The following DCUN1D2 variants were observed in gnomAD, a reference collection of about 807,000 sequenced individuals.
DCUN1D2 encodes the protein DCN1-like protein 2.
A neutral mutation model predicts 30.9 loss-of-function variants in DCUN1D2; 29 were observed. The ratio of observed to expected loss-of-function variants is 0.94; its 90% confidence interval spans 0.70 to 1.28. The LOEUF is 1.28. Ranked by LOEUF, DCUN1D2 falls within the 50% of genes most tolerant of loss-of-function variation. The pLI, the probability that DCUN1D2 is intolerant of heterozygous loss-of-function variation, is 0.00. For missense variants in DCUN1D2, 325 were observed against 316.9 expected, an observed-to-expected ratio of 1.03 and a Z score of -0.19; for synonymous variants, 121 against 115.3, an observed-to-expected ratio of 1.05 and a Z score of -0.32.
At chr13:113,484,092 G>A (rs1362824787) in intron 1 of DCUN1D2, 36 bp from the exon 2 acceptor site, 1 of 1,609,392 alleles carries the variant, frequency 6.2e-7, no homozygotes, top group South Asian at 1.1e-5. Context: ...AGCCAATGAA[G>A]CCGCTCCAGG....
rs1377578738 is a variant in DCUN1D2 at position 113,490,513 on chromosome 13, G to T, written c.3+154C>A. 6.2e-5 allele frequency: 51 copies of T among 826,600 alleles called. No individual in the cohort carries two copies. Among genetic ancestry groups the T allele is most frequent in the Non-Finnish European group, 7.9e-5 (49 of 620,272 alleles). 51.2% of individuals were successfully genotyped at this position (826,600 alleles called of 1,614,324 possible). ...CTCCGACGCCACCGCTCCGGCTCGC[G>T]GGCCCGCGGCGCGTTCCTCCCTCGG... On this transcript the variant is annotated intron_variant, in intron 1 of 6. Coordinates refer to ENST00000478244, the MANE Select transcript of DCUN1D2 (RefSeq NM_001014283.2). The surrounding 1 kb of genome is among the most constrained non-coding windows in gnomAD (Gnocchi z 5.2).
intron 5 of DCUN1D2, among the ~76,000 whole-genome samples, chr13:113,459,980 C>T (rs1282646827): frequency 1.3e-5 from 2 of 152,208 alleles, no homozygotes; most frequent in South Asian, 4.1e-4. Context: ...ACACTGTGAG[C>T]GCCTTCATCC....
Position 113,456,486 on chromosome 13 carries a change from C to G in DCUN1D2, c.*1543G>C, listed in dbSNP as rs2044228139. The G allele has an allele frequency of 2.5e-6, 1 of 398,022 alleles. No individual in the cohort carries two copies. The highest frequency in any genetic ancestry group is 2.1e-5 in the African/African-American group (1 of 48,640). 24.7% of individuals were successfully genotyped at this position (398,022 alleles called of 1,614,324 possible). ...CTCTCTCACACCGCAGCTAGGTCAT[C>G]TGCGGCGACTCTCCTCTGTGCTGGG... On this transcript the variant is annotated 3_prime_UTR_variant, in exon 7 of 7. Coordinates refer to ENST00000478244, the MANE Select transcript of DCUN1D2 (RefSeq NM_001014283.2).
chr13:113,460,977 G>T, intron 5 of DCUN1D2, 77 bp downstream of exon 5: 2 of 873,276 alleles, frequency 2.3e-6, no homozygotes, highest in Non-Finnish European at 3.7e-6. Flanking sequence ...GACCTGAGGT[G>T]GATGATTACA....
chr13:113,469,928 C>T (rs1369560797), intron 4 of DCUN1D2, among the ~76,000 whole-genome samples: 1 of 151,864 alleles, frequency 6.6e-6, no homozygotes, highest in African/African-American at 2.4e-5. Context: ...AAACATGAAA[C>T]ACCACAAATG....
At chr13:113,463,111 C>T (rs2139680802) in intron 4 of DCUN1D2, 1 of 167,794 alleles carries the variant, frequency 6.0e-6, no homozygotes, top group African/African-American at 2.4e-5. Flanking sequence ...ACAGTAACAA[C>T]AACAACAAAA....
chr13:113,475,194 C>T (rs1213615086), intron 3 of DCUN1D2, among the ~76,000 whole-genome samples: 1 of 152,136 alleles, frequency 6.6e-6, no homozygotes, highest in African/African-American at 2.4e-5. Flanking sequence ...CGCGCAGTCA[C>T]GGTCAACAGC....
Position 113,456,162 on chromosome 13 carries a change from A to T in DCUN1D2, c.*1867T>A. The T allele has an allele frequency of 2.5e-6, 1 of 398,620 alleles. No homozygotes were observed. 24.7% of individuals were successfully genotyped at this position (398,620 alleles called of 1,614,324 possible). A position where few individuals can be genotyped will look rare whatever the true frequency, so the allele number is the denominator to read the frequency against. On this transcript the variant is annotated 3_prime_UTR_variant, in exon 7 of 7. Transcript: ENST00000478244. ...TAGACAAATGCTCTCTGAGAATCGAAGACTTCTAAAGGTAGACAGGCCCAG... is the reference window on the plus strand; with the variant it reads ...TAGACAAATGCTCTCTGAGAATCGATGACTTCTAAAGGTAGACAGGCCCAG...
intron 1 of DCUN1D2, among the ~76,000 whole-genome samples, chr13:113,486,050 T>C (rs2044797251): frequency 6.6e-6 from 1 of 152,194 alleles, no homozygotes; most frequent in Admixed American, 6.5e-5. Flanking sequence ...ATATGGTCAA[T>C]ATTGATGACT....
At chr13:113,467,460 C>T (rs984250559) in intron 4 of DCUN1D2, among the ~76,000 whole-genome samples, 6 of 150,186 alleles carry the variant, frequency 4.0e-5, no homozygotes, top group Non-Finnish European at 8.9e-5. Context: ...CTATTGTTTT[C>T]AGAGTGCCTA....
At chr13:113,465,099 T>C (rs777981687) in intron 4 of DCUN1D2, among the ~76,000 whole-genome samples, 62 of 152,238 alleles carry the variant, frequency 4.1e-4, no homozygotes, top group African/African-American at 1.3e-3. Flanking sequence ...ATCCCCTGCA[T>C]TGCAGAGTAT....
intron 4 of DCUN1D2, among the ~76,000 whole-genome samples, chr13:113,471,422 T>C (rs544357507): frequency 6.6e-6 from 1 of 152,242 alleles, no homozygotes; most frequent in African/African-American, 2.4e-5. Flanking sequence ...ATATGGGTAA[T>C]AGGAGTTTCC....
chr13:113,487,895 C>T (rs1374844359), intron 1 of DCUN1D2, among the ~76,000 whole-genome samples: 1 of 152,178 alleles, frequency 6.6e-6, no homozygotes, highest in Non-Finnish European at 1.5e-5. Context: ...CTCAGACCCT[C>T]CAAGACCAAT....
At chr13:113,474,492 C>T (rs568601615) in intron 3 of DCUN1D2, among the ~76,000 whole-genome samples, 3 of 152,284 alleles carry the variant, frequency 2.0e-5, no homozygotes, top group Admixed American at 6.5e-5. Context: ...TGGTGGCAGC[C>T]GCCCAGCTCT....
chr13:113,467,942 G>A (rs1266870696), intron 4 of DCUN1D2, among the ~76,000 whole-genome samples: 3 of 151,684 alleles, frequency 2.0e-5, no homozygotes, highest in Non-Finnish European at 4.4e-5. Flanking sequence ...TACTTGGGAG[G>A]CTGAGGCAGG....
At chr13:113,480,438 G>C in intron 3 of DCUN1D2, 137 bp downstream of exon 3, 1 of 831,540 alleles carries the variant, frequency 1.2e-6, no homozygotes. Flanking sequence ...AGTGCGGAGA[G>C]TACAGACGCA....
chr13:113,473,758 C>T (rs963272348), intron 4 of DCUN1D2, among the ~76,000 whole-genome samples: 1 of 152,212 alleles, frequency 6.6e-6, no homozygotes, highest in African/African-American at 2.4e-5. Context: ...CATCCCAACA[C>T]TCTGAAGTGG....
At chr13:113,479,792 A>G (rs2265158) in intron 3 of DCUN1D2, among the ~76,000 whole-genome samples, 69,345 of 152,080 alleles carry the variant, frequency 0.46, 18,861 homozygotes, top group African/African-American at 0.76. Context: ...TAAATAAGCT[A>G]GTAACATAAG....
chr13:113,473,619 C>T (rs2044562113), intron 4 of DCUN1D2, among the ~76,000 whole-genome samples: 1 of 152,176 alleles, frequency 6.6e-6, no homozygotes. Flanking sequence ...GAGACGCTAT[C>T]AACTGAGATT....
Sources: allele counts gnomAD v4.1 joint callset (sites outside exome capture counted in the v4.1 genomes callset), GRCh38; gene constraint gnomAD v4.1.1; non-coding constraint Gnocchi (gnomAD v3.1); transcripts MANE v1.5; gene names NCBI Gene and HGNC (gene_info 2026-07-23, HGNC 2026-07-21).